The following OPHN1 variants were observed in gnomAD, a reference collection of about 807,000 sequenced individuals.
The protein encoded by OPHN1 is oligophrenin-1.
In OPHN1, 11 loss-of-function variants were observed where a neutral mutation model predicts 60.7. The ratio of observed to expected loss-of-function variants is 0.18; its 90% CI spans 0.11 to 0.30. The LOEUF (loss-of-function observed/expected upper bound fraction) is 0.30, where lower values mean the gene tolerates loss of function less well. OPHN1 is among the 10% of genes least tolerant of loss of function. OPHN1 has a pLI of 1.00. For synonymous variants in OPHN1, 226 were observed against 222.6 expected (o/e 1.02, Z -0.14); for missense variants, 449 against 611.0 (o/e 0.73, Z 2.80).
intron 16 of OPHN1, among the ~76,000 whole-genome samples, chrX:68,114,789 G>A (rs1403272302): frequency 9.0e-6 from 1 of 111,374 alleles, no homozygotes; most frequent in Non-Finnish European, 1.9e-5. Flanking sequence ...GAATAGGTGA[G>A]GAGACTGTTT....
intron 2 of OPHN1, among the ~76,000 whole-genome samples, chrX:68,379,044 A>C (rs1365910697): frequency 9.0e-6 from 1 of 110,595 alleles, no homozygotes; most frequent in Non-Finnish European, 1.9e-5. Context: ...TTTTCACGAT[A>C]TTGATTCTTC....
chrX:68,251,793 G>A (rs975331628), intron 5 of OPHN1, among the ~76,000 whole-genome samples: 1 of 111,414 alleles, frequency 9.0e-6, no homozygotes, highest in African/African-American at 3.3e-5. Flanking sequence ...CTCCATCAGA[G>A]TATCTTTTCT....
At chrX:68,327,650 G>C (rs1482515565) in intron 2 of OPHN1, among the ~76,000 whole-genome samples, 4 of 59,251 alleles carry the variant, frequency 6.8e-5, no homozygotes, top group Non-Finnish European at 8.3e-5. Context: ...GCGGAAGGCC[G>C]CAGGGTCCTC....
intron 24 of OPHN1, among the ~76,000 whole-genome samples, chrX:68,047,683 T>G (rs1050910507): frequency 2.7e-5 from 3 of 111,640 alleles, no homozygotes; most frequent in Non-Finnish European, 5.6e-5. Context: ...AGCAATCTGA[T>G]AGTCAAACAA....
At chrX:68,422,309 C>T (rs982019858) in intron 2 of OPHN1, among the ~76,000 whole-genome samples, 1 of 109,168 alleles carries the variant, frequency 9.2e-6, no homozygotes, top group African/African-American at 3.3e-5. Context: ...CGCTTGAGCC[C>T]AGGAGTTTGA....
chrX:68,066,571 C>A (rs994457990), intron 20 of OPHN1, among the ~76,000 whole-genome samples: 10 of 111,440 alleles, frequency 9.0e-5, no homozygotes, highest in African/African-American at 3.3e-4. Flanking sequence ...ATAATAGTGA[C>A]AATGACAGTA....
intron 1 of OPHN1, 60 bp downstream of exon 1, chrX:68,433,108 A>T (rs959689864): frequency 6.1e-6 from 6 of 975,619 alleles, no homozygotes; most frequent in Non-Finnish European, 6.9e-6. Context: ...GAGGGGACGG[A>T]CTGAGCGCGC....
chrX:68,251,399 T>C (rs2077834342), intron 5 of OPHN1, among the ~76,000 whole-genome samples: 1 of 109,079 alleles, frequency 9.2e-6, no homozygotes, highest in African/African-American at 3.3e-5. Context: ...TTGGCCAAGA[T>C]GGTCTCGATC....
intron 2 of OPHN1, among the ~76,000 whole-genome samples, chrX:68,343,162 T>A (rs2078361846): frequency 9.4e-6 from 1 of 106,583 alleles, no homozygotes; most frequent in African/African-American, 3.4e-5. Flanking sequence ...TAATCCCAGC[T>A]ACTCGGGAGG....
At chrX:68,049,797 C>A (rs1160324878) in intron 23 of OPHN1, among the ~76,000 whole-genome samples, 1 of 112,121 alleles carries the variant, frequency 8.9e-6, no homozygotes, top group Admixed American at 9.4e-5. Flanking sequence ...AAGTTTCCCT[C>A]TTTTCACTCC....
chrX:68,277,510 C>T (rs1298523421), intron 4 of OPHN1, among the ~76,000 whole-genome samples: 3 of 112,269 alleles, frequency 2.7e-5, no homozygotes, highest in Non-Finnish European at 1.9e-5. Context: ...GTAATACAGG[C>T]CAGGTGCAGT....
chrX:68,379,964 T>C (rs6525228), intron 2 of OPHN1, among the ~76,000 whole-genome samples: 32,648 of 109,286 alleles, frequency 0.3, 7,508 homozygotes, highest in African/African-American at 0.79. Context: ...GGAGGATTCC[T>C]TCTTTTTCTA....
chrX:68,051,210 C>T lies in OPHN1; in HGVS notation c.2375+1330G>A, dbSNP rs1007282891. ...CCACCTAGAAGAGTTCTGCTCCTGT[C>T]ACCTGTTAGGAGGAACAATTTCAAA... On this transcript the variant is annotated intron_variant, in intron 23 of 24. Transcript: ENST00000355520. Among the ~76,000 whole-genome samples the T allele has an allele frequency of 2.1e-4, 23 of 110,882 alleles. No homozygotes were observed. In the Admixed American group the frequency reaches 2.1e-3, roughly 10 times the overall value.
intron 20 of OPHN1, among the ~76,000 whole-genome samples, chrX:68,072,153 TAAGA>T (rs2076937310): frequency 8.9e-6 from 1 of 111,868 alleles, no homozygotes; most frequent in Admixed American, 9.5e-5. Flanking sequence ...AGGAGCAGGT[TAAGA>T]AAGAGTCAGG....
At chrX:68,204,472 G>A (rs1052986610) in intron 10 of OPHN1, among the ~76,000 whole-genome samples, 4 of 111,660 alleles carry the variant, frequency 3.6e-5, no homozygotes, top group Non-Finnish European at 5.6e-5. Context: ...CTCAGTGTCC[G>A]GCACACAGCA....
chrX:68,379,436 A>G (rs1368084920), intron 2 of OPHN1, among the ~76,000 whole-genome samples: 7 of 106,041 alleles, frequency 6.6e-5, no homozygotes, highest in South Asian at 4.4e-4. Context: ...TCTCCTGCCT[A>G]ATTGCCCTGG....
chrX:68,308,764 G>A (rs1224767824), intron 2 of OPHN1, among the ~76,000 whole-genome samples: 1 of 110,528 alleles, frequency 9.0e-6, no homozygotes, highest in Non-Finnish European at 1.9e-5. Flanking sequence ...ACTAGACTAG[G>A]ACAGTGGTTC....
chrX:68,349,109 G>C (rs776707320), intron 2 of OPHN1, among the ~76,000 whole-genome samples: 7 of 110,314 alleles, frequency 6.3e-5, no homozygotes, highest in Non-Finnish European at 1.3e-4. Context: ...ATCATCAGAG[G>C]GAACAGGCAA....
intron 16 of OPHN1, among the ~76,000 whole-genome samples, chrX:68,113,688 A>G (rs2077114513): frequency 9.1e-6 from 1 of 109,299 alleles, no homozygotes; most frequent in Non-Finnish European, 1.9e-5. Context: ...TTAGTCAAAA[A>G]ACATTCTCAG....
Sources: gnomAD v4.1 joint callset for allele counts (sites outside exome capture counted in the v4.1 genomes callset) on GRCh38, gnomAD v4.1.1 for gene constraint, MANE v1.5 for transcripts, NCBI Gene and HGNC (gene_info 2026-07-23, HGNC 2026-07-21) for gene names.